The following AGTR2 variants were observed in gnomAD, a reference collection of about 807,000 sequenced individuals.
AGTR2 encodes type-2 angiotensin II receptor.
Under a neutral mutation model 14.2 loss-of-function variants are expected in AGTR2, and 15 were observed. The observed-to-expected ratio is 1.05, with a 90% CI of 0.70 to 1.62. AGTR2 has a LOEUF of 1.62. AGTR2 is among the 40% of genes most tolerant of loss of function. AGTR2 has a pLI of 0.00. For synonymous variants in AGTR2, 101 were observed against 98.5 expected (o/e 1.03, Z -0.15); for missense variants, 274 against 273.1 (o/e 1.00, Z -0.02).
Position 116,173,544 on chromosome X carries a change from G to C in AGTR2, c.*172G>C. ...CAGTGACTTTCAGGAATTGCCCATTGTTTTTCTGATATGTTTGTACAAGAT... is the reference window on the plus strand; with the variant it reads ...CAGTGACTTTCAGGAATTGCCCATTCTTTTTCTGATATGTTTGTACAAGAT... On this transcript the variant is annotated 3_prime_UTR_variant, in exon 3 of 3. Coordinates refer to ENST00000371906, the MANE Select transcript of AGTR2 (RefSeq NM_000686.5). 1 of 640,627 alleles carries C rather than the reference G, an allele frequency of 1.6e-6. No individual in the cohort carries two copies. Among genetic ancestry groups the C allele is most frequent in the Non-Finnish European group, 2.3e-6 (1 of 426,540 alleles). 52.8% of individuals were successfully genotyped at this position (640,627 alleles called of 1,213,427 possible). A position where few individuals can be genotyped will look rare whatever the true frequency, so the allele number is the denominator to read the frequency against.
rs781969538 is a variant in AGTR2 at position 116,172,259 on chromosome X, T to A, written c.-22T>A. ...TTTTCTCCACAGAAGGCATAAGAAC[T>A]AGGAGCTGCTGACATTTCAATATGA... is the stretch of plus-strand genomic sequence containing the variant. On this transcript the variant is annotated 5_prime_UTR_variant, in exon 3 of 3. An upstream open reading frame in the 5' UTR loses its in-frame stop. Transcript: ENST00000371906. 1 of 1,208,363 alleles carries A rather than the reference T, an allele frequency of 8.3e-7. No individual in the cohort carries two copies. Among genetic ancestry groups the A allele is most frequent in the African/African-American group, 1.8e-5 (1 of 56,968 alleles).
rs1556673736 is a variant in AGTR2, at chrX:116,172,684, T to A, written c.404T>A (p.Ile135Asn). Reference sequence around the variant, plus strand: ...AACATGTTTGCAAGCATTTTTTTTATCACCTGCATGAGTGTTGATAGGTAC... The same window carrying A: ...AACATGTTTGCAAGCATTTTTTTTAACACCTGCATGAGTGTTGATAGGTAC... ...TLNMFASIFFITCMSVDRYQS... is the reference protein window; with the variant it reads ...TLNMFASIFFNTCMSVDRYQS... The change falls in exon 3 of 3, where the codon ATC (isoleucine) becomes AAC (asparagine). Residue 135 changes from isoleucine to asparagine, a missense_variant. Physicochemically the swap from Ile to Asn is moderately radical, Grantham distance 149. Coordinates refer to ENST00000371906, the MANE Select transcript of AGTR2 (RefSeq NM_000686.5). 8.3e-7 allele frequency: 1 copy of A among 1,208,896 alleles called. No individual in the cohort carries two copies. The highest frequency in any genetic ancestry group is 3.0e-5 in the East Asian group (1 of 33,726).
In AGTR2 at chrX:116,172,449, A is replaced by G; in HGVS notation, c.169A>G (p.Ile57Val). 8.3e-7 allele frequency: 1 copy of G among 1,210,525 alleles called. No individual in the cohort carries two copies. The highest frequency in any genetic ancestry group is 1.1e-6 in the Non-Finnish European group (1 of 894,575). The change falls in exon 3 of 3, where the codon ATT (isoleucine) becomes GTT (valine). Residue 57 changes from isoleucine (I) to valine (V), a missense_variant. By Grantham distance (29) the Ile-to-Val change is conservative. Coordinates refer to ENST00000371906, the MANE Select transcript of AGTR2 (RefSeq NM_000686.5). ...IPILYYIIFV[I>V]GFLVNIVVVT... Reference sequence around the variant, plus strand: ...TATTCTTTACTACATTATATTTGTAATTGGATTTCTGGTCAATATTGTCGT... The same window carrying G: ...TATTCTTTACTACATTATATTTGTAGTTGGATTTCTGGTCAATATTGTCGT...
chrX:116,171,444 G>T, intron 2 of AGTR2, among the ~76,000 whole-genome samples: 1 of 110,143 alleles, frequency 9.1e-6, no homozygotes. Context: ...ACCTAACATA[G>T]GTTTGGCTGT....
At position 116,174,472 on chromosome X, in the gene AGTR2, A is replaced by C. The variant is rs1046966996; in HGVS notation, c.*1100A>C. On this transcript the variant is annotated 3_prime_UTR_variant, in exon 3 of 3. Coordinates refer to ENST00000371906, the MANE Select transcript of AGTR2 (RefSeq NM_000686.5). ...GTACAATGTGACTTTGAAAATATAT[A>C]CCGTGGGGGTAGTTTTACCCTATAT... 1 of 121,528 alleles carries C rather than the reference A, an allele frequency of 8.2e-6. No individual in the cohort carries two copies. Among genetic ancestry groups the C allele is most frequent in the Non-Finnish European group, 1.9e-5 (1 of 52,759 alleles). The allele number at this position is 121,528 out of a possible 1,213,427, so 10.0% of individuals were successfully genotyped here. A position where few individuals can be genotyped will look rare whatever the true frequency, so the allele number is the denominator to read the frequency against.
Position 116,172,242 on chromosome X carries a change from A to G in AGTR2, c.-35-4A>G. On this transcript the variant is annotated splice_polypyrimidine_tract_variant and splice_region_variant and intron_variant, in intron 2 of 2. Transcript: ENST00000371906. ...TCTAAGAGTTCTATGTTTTTTCTCC[A>G]CAGAAGGCATAAGAACTAGGAGCTG... is the stretch of plus-strand genomic sequence containing the variant. 1 of 1,207,798 alleles carries G rather than the reference A, an allele frequency of 8.3e-7. No homozygotes were observed. The highest frequency in any genetic ancestry group is 1.1e-6 in the Non-Finnish European group (1 of 892,646).
chrX:116,174,316 A>C lies in AGTR2; in HGVS notation c.*944A>C, dbSNP rs1922563269. 1 of 121,848 alleles carries C rather than the reference A, an allele frequency of 8.2e-6. No homozygotes were observed. The highest frequency in any genetic ancestry group is 9.6e-5 in the Admixed American group (1 of 10,367). The allele number at this position is 121,848 out of a possible 1,213,427, so 10.0% of individuals were successfully genotyped here. On this transcript the variant is annotated 3_prime_UTR_variant, in exon 3 of 3. Coordinates refer to ENST00000371906, the MANE Select transcript of AGTR2 (RefSeq NM_000686.5). The stretch of plus-strand genomic sequence containing the variant: ...TGGGTGGCTTAAAAAAAACTCTTTA[A>C]CTTGTAATAAACCCTTAACTGGCAT...
intron 2 of AGTR2, among the ~76,000 whole-genome samples, chrX:116,171,876 T>C (rs1446145654): frequency 2.7e-5 from 3 of 111,706 alleles, no homozygotes; most frequent in Non-Finnish European, 5.7e-5. Context: ...GCTCAAGTGT[T>C]TTTTGAAAGA....
chrX:116,171,777 G>T lies in AGTR2; in HGVS notation c.-35-469G>T, dbSNP rs561083189. The stretch of plus-strand genomic sequence containing the variant: ...ATATTTTCCACAGCTGTAGTGATTT[G>T]TATGTAATTAGTTACTTAAATAGAG... On this transcript the variant is annotated intron_variant, in intron 2 of 2. Transcript: ENST00000371906. Among the ~76,000 whole-genome samples the T allele has an allele frequency of 2.6e-4, 29 of 110,638 alleles. No individual in the cohort carries two copies. The South Asian group carries it at 5.2e-3, about 20-fold the overall frequency.
In AGTR2 at chrX:116,172,886, G is replaced by T. The variant is rs782015382; in HGVS notation, c.606G>T (p.Glu202Asp). The change falls in exon 3 of 3, where the codon GAG (glutamate) becomes GAT (aspartate). Residue 202 changes from glutamate to aspartate, a missense_variant. Glu to Asp is a conservative substitution (Grantham distance 45). Coordinates refer to ENST00000371906, the MANE Select transcript of AGTR2 (RefSeq NM_000686.5). ...VNACIMAFPP[E>D]KYAQWSAGIA... ...CTTGCATTATGGCTTTCCCACCTGAGAAATATGCCCAATGGTCAGCTGGGA... is the reference window on the plus strand; with the variant it reads ...CTTGCATTATGGCTTTCCCACCTGATAAATATGCCCAATGGTCAGCTGGGA... 8.3e-7 allele frequency: 1 copy of T among 1,211,455 alleles called. No individual in the cohort carries two copies. Among genetic ancestry groups the T allele is most frequent in the South Asian group, 1.8e-5 (1 of 56,987 alleles).
chrX:116,171,477 T>G (rs1183827081), intron 2 of AGTR2, among the ~76,000 whole-genome samples: 2 of 110,914 alleles, frequency 1.8e-5, no homozygotes, highest in African/African-American at 6.5e-5. Context: ...CTGATTTAAT[T>G]GAAAATGGAT....
chrX:116,172,134 T>C, intron 2 of AGTR2, 112 bp from the exon 3 acceptor site: 1 of 652,254 alleles, frequency 1.5e-6, no homozygotes, highest in Non-Finnish European at 2.4e-6. Context: ...CTTAATGTTT[T>C]CTATAATCAC....
Position 116,172,230 on chromosome X carries a change from T to C in AGTR2, c.-35-16T>C, listed in dbSNP as rs1307472981. The C allele has an allele frequency of 3.0e-5, 36 of 1,198,706 alleles. No individual in the cohort carries two copies. The highest frequency in any genetic ancestry group is 3.8e-5 in the Non-Finnish European group (34 of 885,525). On this transcript the variant is annotated splice_polypyrimidine_tract_variant and intron_variant, in intron 2 of 2. Coordinates refer to ENST00000371906, the MANE Select transcript of AGTR2 (RefSeq NM_000686.5). Reference sequence around the variant, plus strand: ...CTCTGTATGTGTTCTAAGAGTTCTATGTTTTTTCTCCACAGAAGGCATAAG... The same window carrying C: ...CTCTGTATGTGTTCTAAGAGTTCTACGTTTTTTCTCCACAGAAGGCATAAG...
chrX:116,173,595 C>A lies in AGTR2; in HGVS notation c.*223C>A. On this transcript the variant is annotated 3_prime_UTR_variant, in exon 3 of 3. Coordinates refer to ENST00000371906, the MANE Select transcript of AGTR2 (RefSeq NM_000686.5). ...TGTCATTAGTGAGACATATTTACAA[C>A]CTAGAAGTAACTGGTGATATATCTC... 2.4e-6 allele frequency: 1 copy of A among 412,887 alleles called. No individual in the cohort carries two copies. The highest frequency in any genetic ancestry group is 4.2e-6 in the Non-Finnish European group (1 of 238,920). 34.0% of individuals were successfully genotyped at this position (412,887 alleles called of 1,213,427 possible).
chrX:116,173,343 C>T lies in AGTR2; in HGVS notation c.1063C>T (p.Leu355Phe). ...ESMSCRKSSS[L>F]REMETFVS ...TATGTCTTGCCGGAAAAGCAGTTCT[C>T]TTAGAGAAATGGAGACCTTTGTGTC... Residue 355 changes from leucine (L) to phenylalanine (F), a missense_variant, in exon 3 of 3, where the codon CTT becomes TTT. Physicochemically the swap from Leu to Phe is conservative, Grantham distance 22 (BLOSUM62 0). Transcript: ENST00000371906. The T allele has an allele frequency of 8.3e-7, 1 of 1,211,395 alleles. No individual in the cohort carries two copies.
In AGTR2 at chrX:116,172,500, G is replaced by T. The variant is rs1556673692; in HGVS notation, c.220G>T (p.Gly74Cys). 5.0e-6 allele frequency: 6 copies of T among 1,210,885 alleles called. No homozygotes were observed. The South Asian group carries it at 7.0e-5, about 14-fold the overall frequency. ...GGTTACACTGTTTTGTTGTCAAAAGGGTCCTAAAAAGGTTTCTAGCATATA... is the reference window on the plus strand; with the variant it reads ...GGTTACACTGTTTTGTTGTCAAAAGTGTCCTAAAAAGGTTTCTAGCATATA... ...VVVTLFCCQK[G>C]PKKVSSIYIF... is the part of the protein sequence containing the mutation. The change falls in exon 3 of 3, where the codon GGT becomes TGT. Residue 74 changes from glycine (G) to cysteine (C), a missense_variant. Gly to Cys is a radical substitution (Grantham distance 159). Coordinates refer to ENST00000371906, the MANE Select transcript of AGTR2 (RefSeq NM_000686.5).
Position 116,172,777 on chromosome X carries a change from T to C in AGTR2, c.497T>C (p.Leu166Pro). ...TGGCAAGCATCTTATATAGTTCCCCTTGTTTGGTGTATGGCCTGTTTGTCC... is the reference window on the plus strand; with the variant it reads ...TGGCAAGCATCTTATATAGTTCCCCCTGTTTGGTGTATGGCCTGTTTGTCC... The part of the protein sequence containing the change: ...NPWQASYIVP[L>P]VWCMACLSSL... The change falls in exon 3 of 3, where the codon CTT becomes CCT. Residue 166 changes from leucine (L) to proline (P), a missense_variant. Physicochemically the swap from Leu to Pro is moderately conservative, Grantham distance 98. Transcript: ENST00000371906. 3 of 1,211,208 alleles carry C rather than the reference T, an allele frequency of 2.5e-6. No individual in the cohort carries two copies. The highest frequency in any genetic ancestry group is 3.5e-5 in the South Asian group (2 of 56,986).
rs1379105358 is a variant in AGTR2, at chrX:116,173,332, A to T, written c.1052A>T (p.Lys351Ile). ...QGKRESMSCR[K>I]SSSLREMETF... is the part of the protein sequence containing the mutation. ...AAAAGAGAGAGTATGTCTTGCCGGA[A>T]AAGCAGTTCTCTTAGAGAAATGGAG... Residue 351 changes from lysine to isoleucine, a missense_variant, in exon 3 of 3, where the codon AAA becomes ATA. Physicochemically the swap from Lys to Ile is moderately radical, Grantham distance 102. Transcript: ENST00000371906. 8.3e-7 allele frequency: 1 copy of T among 1,211,546 alleles called. No homozygotes were observed. Among genetic ancestry groups the T allele is most frequent in the African/African-American group, 1.7e-5 (1 of 57,794 alleles).
rs368476434 is a variant in AGTR2, at chrX:116,173,115, G to T, written c.835G>T (p.Asp279Tyr). Residue 279 changes from aspartate (D) to tyrosine (Y), a missense_variant, in exon 3 of 3, where the codon GAT becomes TAT. Asp to Tyr is a radical substitution (Grantham distance 160, BLOSUM62 -3). Transcript: ENST00000371906. ...WLPFHVLTFL[D>Y]ALAWMGVINS... is the part of the protein sequence containing the mutation. The stretch of plus-strand genomic sequence containing the variant: ...TCCCTTCCATGTTCTGACCTTCCTG[G>T]ATGCTCTGGCCTGGATGGGTGTCAT... 2 of 1,206,942 alleles carry T rather than the reference G, an allele frequency of 1.7e-6. No homozygotes were observed. Among genetic ancestry groups the T allele is most frequent in the African/African-American group, 3.5e-5 (2 of 56,936 alleles).
Sources: allele counts gnomAD v4.1 joint callset (sites outside exome capture counted in the v4.1 genomes callset), GRCh38; gene constraint gnomAD v4.1.1; transcripts MANE v1.5; gene names NCBI Gene and HGNC (gene_info 2026-07-23, HGNC 2026-07-21).